Variants in PLCL1 observed in about 807,000 individuals in gnomAD.
PLCL1 encodes phospholipase C like 1 (inactive), also known as inactive phospholipase C-like protein 1.
Under a neutral mutation model 84.4 loss-of-function variants are expected in PLCL1, and 41 were observed. The ratio of observed to expected loss-of-function variants is 0.49; its 90% CI spans 0.38 to 0.63. The LOEUF (loss-of-function observed/expected upper bound fraction) is 0.63. PLCL1 is among the 30% of genes least tolerant of loss of function. The pLI, the probability that PLCL1 is intolerant of heterozygous loss-of-function variation, is 0.00. For synonymous variants in PLCL1, 490 were observed against 488.3 expected, an observed-to-expected ratio of 1.00 and a Z score of -0.05; for missense variants, 1,206 against 1,367.8, an observed-to-expected ratio of 0.88 and a Z score of 1.87.
intron 1 of PLCL1, among the ~76,000 whole-genome samples, chr2:197,942,584 G>A (rs1356227406): frequency 6.6e-6 from 1 of 152,162 alleles, no homozygotes; most frequent in Non-Finnish European, 1.5e-5. Flanking sequence ...AACTATGAAA[G>A]GAAAAGGTTT....
chr2:198,134,527 C>A (rs951684911), intron 5 of PLCL1, among the ~76,000 whole-genome samples: 1 of 152,112 alleles, frequency 6.6e-6, no homozygotes, highest in African/African-American at 2.4e-5. Context: ...AACACAGAAC[C>A]TGGAACTCAT....
chr2:197,871,750 C>G (rs2105705474), intron 1 of PLCL1, among the ~76,000 whole-genome samples: 1 of 152,198 alleles, frequency 6.6e-6, no homozygotes, highest in Admixed American at 6.5e-5. Context: ...AAGTTAGGTG[C>G]ACTCCTTAGT....
intron 5 of PLCL1, among the ~76,000 whole-genome samples, chr2:198,123,099 C>T (rs565140402): frequency 6.6e-6 from 1 of 152,148 alleles, no homozygotes; most frequent in East Asian, 1.9e-4. Context: ...AATGGTAAAT[C>T]CACACTTCAT....
chr2:197,942,947 C>T (rs1259263638), intron 1 of PLCL1, among the ~76,000 whole-genome samples: 1 of 152,114 alleles, frequency 6.6e-6, no homozygotes, highest in Non-Finnish European at 1.5e-5. Flanking sequence ...TGGCTAACAC[C>T]TGCAATCCCA....
At chr2:198,130,316 T>A (rs1694089777) in intron 5 of PLCL1, among the ~76,000 whole-genome samples, 1 of 152,182 alleles carries the variant, frequency 6.6e-6, no homozygotes, top group East Asian at 1.9e-4. Flanking sequence ...GCAGGTTCCC[T>A]TTCCTCTGCT....
intron 5 of PLCL1, among the ~76,000 whole-genome samples, chr2:198,127,033 C>T (rs573408798): frequency 6.6e-6 from 1 of 150,852 alleles, no homozygotes; most frequent in Non-Finnish European, 1.5e-5. Flanking sequence ...TATTCTTAGT[C>T]CCTTTTACAC....
intron 1 of PLCL1, among the ~76,000 whole-genome samples, chr2:197,837,382 T>C (rs1691213376): frequency 6.6e-6 from 1 of 152,222 alleles, no homozygotes; most frequent in Admixed American, 6.5e-5. Context: ...AGTTTGACAA[T>C]AGTTTTCAGT....
chr2:198,075,563 G>T (rs1320998978), intron 1 of PLCL1, among the ~76,000 whole-genome samples: 1 of 152,194 alleles, frequency 6.6e-6, no homozygotes, highest in Non-Finnish European at 1.5e-5. Context: ...TACAAGAGGA[G>T]AATGACAAGA....
At chr2:197,862,274 C>A (rs982964254) in intron 1 of PLCL1, among the ~76,000 whole-genome samples, 1 of 152,070 alleles carries the variant, frequency 6.6e-6, no homozygotes, top group Non-Finnish European at 1.5e-5. Context: ...AAATACTGTT[C>A]TTTATATAAC....
chr2:197,961,285 T>G (rs925181809), intron 1 of PLCL1, among the ~76,000 whole-genome samples: 1 of 138,040 alleles, frequency 7.2e-6, no homozygotes, highest in Non-Finnish European at 1.6e-5. Flanking sequence ...GCATAGGTTT[T>G]AATGTCTAAC....
At chr2:197,976,792 C>A (rs1240474574) in intron 1 of PLCL1, among the ~76,000 whole-genome samples, 1 of 152,190 alleles carries the variant, frequency 6.6e-6, no homozygotes, top group Non-Finnish European at 1.5e-5. Context: ...TAGGCACAAC[C>A]ACACTTCAGA....
intron 1 of PLCL1, among the ~76,000 whole-genome samples, chr2:197,897,213 TCC>T (rs1369737796): frequency 6.7e-6 from 1 of 149,776 alleles, no homozygotes; most frequent in African/African-American, 2.5e-5. Context: ...TCTTTCTTCT[TCC>T]TCTTCTTCCT....
chr2:198,129,433 C>T (rs1694069672), intron 5 of PLCL1, among the ~76,000 whole-genome samples: 1 of 152,142 alleles, frequency 6.6e-6, no homozygotes, highest in Non-Finnish European at 1.5e-5. Context: ...AATTGCCAAT[C>T]AGAAAAATCT....
chr2:197,950,635 A>G (rs1398223677), intron 1 of PLCL1, among the ~76,000 whole-genome samples: 1 of 152,178 alleles, frequency 6.6e-6, no homozygotes, highest in East Asian at 1.9e-4. Context: ...CGAAAACGTC[A>G]CAGTCAGCAC....
chr2:197,910,645 A>T (rs73056829), intron 1 of PLCL1, among the ~76,000 whole-genome samples: 7 of 152,188 alleles, frequency 4.6e-5, no homozygotes, highest in African/African-American at 1.7e-4. Flanking sequence ...CAGGCTTCTG[A>T]TATCAAACCA....
rs572200847 is a variant in PLCL1, at chr2:197,805,392, A to C, written c.240+53A>C. The stretch of plus-strand genomic sequence containing the variant: ...CGTGGCTGTGGGTGATGGGTGGGTC[A>C]GGGACCCGGGCAGGATGTGCGGTGT... On this transcript the variant is annotated intron_variant, in intron 1 of 5. Coordinates refer to ENST00000428675, the MANE Select transcript of PLCL1 (RefSeq NM_006226.4). This position sits in a 1 kb window ranked among gnomAD's most constrained non-coding sequence, Gnocchi z 4.0. The C allele has an allele frequency of 6.7e-5, 88 of 1,313,366 alleles. No homozygotes were observed. The African/African-American group carries it at 9.6e-4, about 14-fold the overall frequency. 81.4% of individuals were successfully genotyped at this position (1,313,366 alleles called of 1,614,324 possible).
At chr2:197,950,429 C>T (rs1003529800) in intron 1 of PLCL1, among the ~76,000 whole-genome samples, 6 of 152,212 alleles carry the variant, frequency 3.9e-5, no homozygotes, top group Non-Finnish European at 8.8e-5. Flanking sequence ...AAATTGTTTT[C>T]CTGAGCATAA....
Position 197,804,953 on chromosome 2 carries a change from C to A in PLCL1, c.-147C>A. 9.9e-7 allele frequency: 1 copy of A among 1,011,144 alleles called. No individual in the cohort carries two copies. Among genetic ancestry groups the A allele is most frequent in the Non-Finnish European group, 1.4e-6 (1 of 725,522 alleles). The allele number at this position is 1,011,144 out of a possible 1,614,324, so 62.6% of individuals were successfully genotyped here. On this transcript the variant is annotated 5_prime_UTR_variant, in exon 1 of 6. Transcript: ENST00000428675. ...CCTCTCCAGAAAGTTGCCGCCGCCG[C>A]CGCCGCCGCCGCCACTGCCGCCGCT...
At position 197,976,847 on chromosome 2, in the gene PLCL1, C is replaced by T. The variant is rs147572199; in HGVS notation, c.241-106911C>T. 3.0e-3 allele frequency among the ~76,000 whole-genome samples: 453 copies of T among 152,314 alleles called. 5 individuals carry two copies. Among genetic ancestry groups the T allele is most frequent in the African/African-American group, 0.01 (429 of 41,552 alleles). ...TGCCCCTTATCTGAAATGATCTTCT[C>T]GGATGATACCCAGTTATAGTTCTGC... On this transcript the variant is annotated intron_variant, in intron 1 of 5. Coordinates refer to ENST00000428675, the MANE Select transcript of PLCL1 (RefSeq NM_006226.4).
Sources: gnomAD v4.1 joint callset for allele counts (sites outside exome capture counted in the v4.1 genomes callset) on GRCh38, gnomAD v4.1.1 for gene constraint, Gnocchi (gnomAD v3.1) non-coding constraint, MANE v1.5 for transcripts, NCBI Gene and HGNC (gene_info 2026-07-23, HGNC 2026-07-21) for gene names.